The following NLN variants were observed in gnomAD, a reference collection of about 807,000 sequenced individuals.
NLN encodes the protein neurolysin.
NLN carries 64 observed loss-of-function variants against 79.9 expected under a neutral mutation model. The ratio of observed to expected loss-of-function variants is 0.80; its 90% CI spans 0.65 to 0.99. NLN has a LOEUF of 0.99. Ranked by LOEUF, NLN falls within the 50% of genes least tolerant of loss-of-function variation. The probability of loss-of-function intolerance (pLI) is 0.00; values close to 1 mark genes in which losing one functional copy is unlikely to be tolerated. For synonymous variants in NLN, 267 were observed against 296.6 expected (o/e 0.90, Z 1.02); for missense variants, 835 against 858.7 (o/e 0.97, Z 0.34).
intron 1 of NLN, among the ~76,000 whole-genome samples, chr5:65,738,980 T>TATAA (rs1429675157): frequency 3.5e-5 from 1 of 28,300 alleles, no homozygotes; most frequent in Non-Finnish European, 6.9e-5. Context: ...AATATATATA[T>TATAA]TATATATTTA....
At chr5:65,810,764 G>C (rs977160829) in intron 11 of NLN, among the ~76,000 whole-genome samples, 16 of 152,122 alleles carry the variant, frequency 1.1e-4, no homozygotes, top group Admixed American at 2.0e-4. Flanking sequence ...AAGATCACTT[G>C]AGCTCGGGAG....
At chr5:65,765,764 G>T (rs1222649921) in intron 3 of NLN, among the ~76,000 whole-genome samples, 1 of 151,346 alleles carries the variant, frequency 6.6e-6, no homozygotes, top group African/African-American at 2.4e-5. Context: ...GGATAAATAG[G>T]ATCTTAAATT....
intron 10 of NLN, 145 bp downstream of exon 10, chr5:65,809,846 G>T: frequency 1.0e-6 from 1 of 965,576 alleles, no homozygotes. Context: ...AAATATATTG[G>T]AATAGGAAAC....
At chr5:65,722,507 G>T (rs1479002053) in intron 1 of NLN, 93 bp downstream of exon 1, 5 of 1,180,920 alleles carry the variant, frequency 4.2e-6, no homozygotes, top group Non-Finnish European at 6.0e-6. Flanking sequence ...CTTCCCGACC[G>T]CGCCTCTCCG....
chr5:65,781,199 CA>C, intron 5 of NLN, 61 bp from the exon 6 acceptor site: 1 of 1,049,496 alleles, frequency 9.5e-7, no homozygotes, highest in Non-Finnish European at 1.4e-6. Context: ...GGCACCATGC[CA>C]ATACTAAATA....
intron 9 of NLN, among the ~76,000 whole-genome samples, chr5:65,802,088 G>A (rs763492057): frequency 1.6e-4 from 24 of 152,178 alleles, no homozygotes; most frequent in Non-Finnish European, 2.8e-4. Flanking sequence ...TTGGGGTGTC[G>A]CATCACCAGC....
rs553979970 is a variant in NLN, at chr5:65,821,033, ACT to A, written c.1981-1745_1981-1744del. On this transcript the variant is annotated intron_variant, in intron 12 of 12. Coordinates refer to ENST00000380985, the MANE Select transcript of NLN (RefSeq NM_020726.5). ...ACTCCACCCTGGGCGACAGAATGAGACTCTGTCTCAAAAAAAAAAAAAAAAGA... is the reference window on the plus strand; with the variant it reads ...ACTCCACCCTGGGCGACAGAATGAGACTGTCTCAAAAAAAAAAAAAAAAGA... Among the ~76,000 whole-genome samples, 271 of 144,636 alleles carry A rather than the reference ACT, an allele frequency of 1.9e-3. 1 individual carries two copies. The highest frequency in any genetic ancestry group is 6.8e-3 in the African/African-American group (261 of 38,564). 94.9% of individuals were successfully genotyped at this position (144,636 alleles called of 152,430 possible).
intron 9 of NLN, among the ~76,000 whole-genome samples, chr5:65,806,223 C>T (rs888614344): frequency 9.9e-5 from 15 of 152,122 alleles, no homozygotes; most frequent in Non-Finnish European, 1.9e-4. Context: ...GTCCATGGAT[C>T]GAGGAGTAAT....
chr5:65,797,523 T>C (rs1413886965), intron 9 of NLN, among the ~76,000 whole-genome samples: 4 of 152,260 alleles, frequency 2.6e-5, no homozygotes, highest in Non-Finnish European at 5.9e-5. Flanking sequence ...TTTGTGTATC[T>C]GTGGACCTGG....
At chr5:65,792,824 A>G in intron 9 of NLN, 169 bp downstream of exon 9, 1 of 681,182 alleles carries the variant, frequency 1.5e-6, no homozygotes, top group African/African-American at 1.8e-5. Flanking sequence ...CCTCTTTCAC[A>G]ACATATTTTT....
intron 1 of NLN, among the ~76,000 whole-genome samples, chr5:65,727,783 T>C (rs1758511169): frequency 6.6e-6 from 1 of 152,182 alleles, no homozygotes; most frequent in African/African-American, 2.4e-5. Context: ...GTTTTTGTTT[T>C]TTTGAGACAG....
chr5:65,781,812 C>G (rs1171305795), intron 6 of NLN, among the ~76,000 whole-genome samples: 1 of 152,196 alleles, frequency 6.6e-6, no homozygotes, highest in Non-Finnish European at 1.5e-5. Context: ...CATGAGGACC[C>G]TTTTTTCCTT....
chr5:65,771,489 T>C lies in NLN; in HGVS notation c.451-5938T>C, dbSNP rs188361983. ...CTTTCATGAAATAGAGGCTGAATTA[T>C]GCAAGCTAAATTTGAGAAGTACAGT... On this transcript the variant is annotated intron_variant, in intron 3 of 12. Coordinates refer to ENST00000380985, the MANE Select transcript of NLN (RefSeq NM_020726.5). Among the ~76,000 whole-genome samples the C allele has an allele frequency of 7.4e-4, 112 of 152,380 alleles. 1 individual carries two copies. In the Middle Eastern group the frequency reaches 0.014, roughly 19 times the overall value.
intron 2 of NLN, 60 bp from the exon 3 acceptor site, chr5:65,762,900 G>A: frequency 6.6e-7 from 1 of 1,520,386 alleles, no homozygotes; most frequent in Non-Finnish European, 9.0e-7. Flanking sequence ...TGAGGTATTT[G>A]GCTTAATACT....
At chr5:65,820,716 G>T (rs892341747) in intron 12 of NLN, among the ~76,000 whole-genome samples, 1 of 128,986 alleles carries the variant, frequency 7.8e-6, no homozygotes, top group Admixed American at 7.3e-5. Flanking sequence ...GAAATGACAT[G>T]TTTTTTTTTG....
At chr5:65,761,892 A>G (rs1381880526) in intron 2 of NLN, among the ~76,000 whole-genome samples, 1 of 152,230 alleles carries the variant, frequency 6.6e-6, no homozygotes, top group East Asian at 1.9e-4. Flanking sequence ...TCTACTGTCT[A>G]CTATATATCA....
intron 1 of NLN, among the ~76,000 whole-genome samples, chr5:65,749,031 G>A (rs1759045701): frequency 6.6e-6 from 1 of 152,120 alleles, no homozygotes; most frequent in Non-Finnish European, 1.5e-5. Flanking sequence ...TTTCATAAAG[G>A]GCAGCTCCCT....
intron 12 of NLN, among the ~76,000 whole-genome samples, chr5:65,820,020 T>C (rs1188309833): frequency 6.6e-6 from 1 of 152,212 alleles, no homozygotes; most frequent in Non-Finnish European, 1.5e-5. Flanking sequence ...CTGAGCCACA[T>C]ATTGTGAGAC....
At chr5:65,768,840 T>A (rs1182176653) in intron 3 of NLN, among the ~76,000 whole-genome samples, 1 of 152,200 alleles carries the variant, frequency 6.6e-6, no homozygotes, top group Non-Finnish European at 1.5e-5. Flanking sequence ...CACAATCCTG[T>A]CAGATTAAGA....
Sources: gnomAD v4.1 joint callset for allele counts (sites outside exome capture counted in the v4.1 genomes callset) on GRCh38, gnomAD v4.1.1 for gene constraint, MANE v1.5 for transcripts, NCBI Gene and HGNC (gene_info 2026-07-23, HGNC 2026-07-21) for gene names.